CEP170: variants seen among roughly 807,000 people sequenced by gnomAD.
CEP170 encodes the protein centrosomal protein 170.
In CEP170, 21 loss-of-function variants were observed where a neutral mutation model predicts 151.9. That is an observed-to-expected ratio of 0.14 (90% CI 0.10 to 0.20). The LOEUF is 0.20. CEP170 is among the 10% of genes least tolerant of loss of function. CEP170 has a pLI of 1.00. For missense variants in CEP170, 964 were observed against 1,892.9 expected, an observed-to-expected ratio of 0.51 and a Z score of 9.11; for synonymous variants, 356 against 648.8, an observed-to-expected ratio of 0.55 and a Z score of 6.86.
At chr1:243,148,139 A>G (rs1374410235) in intron 14 of CEP170, among the ~76,000 whole-genome samples, 2 of 152,124 alleles carry the variant, frequency 1.3e-5, no homozygotes, top group Non-Finnish European at 2.9e-5. Flanking sequence ...AGATCATGCC[A>G]CTATACTCCA....
chr1:243,137,103 A>T (rs562994384), intron 16 of CEP170, among the ~76,000 whole-genome samples: 16 of 152,388 alleles, frequency 1.0e-4, no homozygotes, highest in African/African-American at 3.6e-4. Flanking sequence ...AGCCATAAAT[A>T]ATGAGCAAAT....
intron 10 of CEP170, among the ~76,000 whole-genome samples, chr1:243,178,868 G>A (rs1474636641): frequency 1.3e-5 from 2 of 151,902 alleles, no homozygotes; most frequent in Non-Finnish European, 2.9e-5. Context: ...GCAGGCTCAT[G>A]CCCCATGCCC....
chr1:243,184,863 T>C (rs1572109650), intron 10 of CEP170, among the ~76,000 whole-genome samples: 1 of 152,050 alleles, frequency 6.6e-6, no homozygotes, highest in Non-Finnish European at 1.5e-5. Flanking sequence ...TTGGTATATA[T>C]AGGATGGGCC....
At chr1:243,250,314 T>C (rs780039901) in intron 1 of CEP170, among the ~76,000 whole-genome samples, 2 of 152,242 alleles carry the variant, frequency 1.3e-5, no homozygotes, top group African/African-American at 2.4e-5. Flanking sequence ...GAAGGAAAGC[T>C]AATCCCTTGG....
rs144414616 is a variant in CEP170, at chr1:243,143,361, A to T, written c.3912-898T>A. Among the ~76,000 whole-genome samples, 1,014 of 152,210 alleles carry T rather than the reference A, an allele frequency of 6.7e-3. 5 individuals are homozygous for T. The highest frequency in any genetic ancestry group is 8.7e-3 in the Non-Finnish European group (591 of 68,010). On this transcript the variant is annotated intron_variant, in intron 14 of 19. Transcript: ENST00000366542. ...ATGGCTTGCTCATGATCACACCTTTAGATGTAGCTAAGGCAGGACTGGATC... is the reference window on the plus strand; with the variant it reads ...ATGGCTTGCTCATGATCACACCTTTTGATGTAGCTAAGGCAGGACTGGATC...
At chr1:243,191,560 A>G in intron 7 of CEP170, 66 bp from the exon 8 acceptor site, 1 of 1,364,258 alleles carries the variant, frequency 7.3e-7, no homozygotes, top group Non-Finnish European at 1.0e-6. Context: ...GGAGTCTGGT[A>G]ATGGCCATGT....
At chr1:243,129,532 A>G in intron 17 of CEP170, 79 bp from the exon 18 acceptor site, 2 of 1,004,404 alleles carry the variant, frequency 2.0e-6, no homozygotes, top group Non-Finnish European at 2.8e-6. Context: ...TACCAAAGCA[A>G]TGTATCTTTT....
chr1:243,252,677 C>A (rs1281610301), intron 1 of CEP170, among the ~76,000 whole-genome samples: 2 of 151,926 alleles, frequency 1.3e-5, no homozygotes, highest in East Asian at 3.9e-4. Context: ...AAAATAATCT[C>A]AGAACACAAT....
intron 1 of CEP170, among the ~76,000 whole-genome samples, chr1:243,230,074 G>A (rs2063598369): frequency 6.6e-6 from 1 of 152,092 alleles, no homozygotes; most frequent in Non-Finnish European, 1.5e-5. Flanking sequence ...GTTCTCACCG[G>A]GCATGGTAGC....
intron 1 of CEP170, among the ~76,000 whole-genome samples, chr1:243,233,958 A>T (rs1007158499): frequency 6.6e-6 from 1 of 152,054 alleles, no homozygotes; most frequent in Admixed American, 6.6e-5. Flanking sequence ...AAACTGGTTT[A>T]CTCAGATTAT....
intron 10 of CEP170, among the ~76,000 whole-genome samples, chr1:243,177,087 G>A (rs542241574): frequency 6.6e-6 from 1 of 152,242 alleles, no homozygotes; most frequent in Admixed American, 6.5e-5. Context: ...GGGATACAGG[G>A]TCAACTTTCA....
At position 243,219,796 on chromosome 1, in the gene CEP170, T is replaced by G. The variant is rs1282321903; in HGVS notation, c.195+1928A>C. Among the ~76,000 whole-genome samples, 4 of 152,340 alleles carry G rather than the reference T, an allele frequency of 2.6e-5. No homozygotes were observed. In the East Asian group the frequency reaches 7.7e-4, roughly 29 times the overall value. On this transcript the variant is annotated intron_variant, in intron 3 of 19. Coordinates refer to ENST00000366542, the MANE Select transcript of CEP170 (RefSeq NM_014812.3). ...AAGTAGAAAATTAATTCAATTCCAC[T>G]AAAGAAAGATTTACTGGGTTCATGC... is the stretch of plus-strand genomic sequence containing the variant.
At chr1:243,201,438 C>A (rs981457761) in intron 4 of CEP170, among the ~76,000 whole-genome samples, 1 of 152,128 alleles carries the variant, frequency 6.6e-6, no homozygotes, top group Non-Finnish European at 1.5e-5. Context: ...GTGCTAGATA[C>A]AATGAATGCC....
At chr1:243,240,572 T>C (rs2064730230) in intron 1 of CEP170, among the ~76,000 whole-genome samples, 4 of 152,120 alleles carry the variant, frequency 2.6e-5, no homozygotes, top group Admixed American at 2.6e-4. Context: ...TATCAATATG[T>C]CTAGGCTTCA....
intron 16 of CEP170, among the ~76,000 whole-genome samples, chr1:243,137,779 TAAAA>T (rs773221196): frequency 1.0e-5 from 1 of 96,982 alleles, no homozygotes; most frequent in African/African-American, 3.6e-5. Context: ...CTCTCAAAAT[TAAAA>T]AAAAAAAAAA....
At chr1:243,252,593 T>C (rs957181660) in intron 1 of CEP170, among the ~76,000 whole-genome samples, 1 of 152,146 alleles carries the variant, frequency 6.6e-6, no homozygotes, top group African/African-American at 2.4e-5. Flanking sequence ...ATATGCAGAA[T>C]GTATGCTAAG....
intron 14 of CEP170, among the ~76,000 whole-genome samples, chr1:243,154,503 TAAAAC>T (rs2057385230): frequency 6.6e-6 from 1 of 151,816 alleles, no homozygotes; most frequent in Non-Finnish European, 1.5e-5. Context: ...TTTCTCCACA[TAAAAC>T]AAACAAAAAA....
At chr1:243,198,911 T>A in intron 7 of CEP170, 149 bp downstream of exon 7, 1 of 539,338 alleles carries the variant, frequency 1.9e-6, no homozygotes, top group Non-Finnish European at 3.2e-6. Flanking sequence ...TACATTAAAA[T>A]AACAAGGCCA....
chr1:243,248,688 C>T (rs1480791633), intron 1 of CEP170, among the ~76,000 whole-genome samples: 1 of 152,238 alleles, frequency 6.6e-6, no homozygotes, highest in Non-Finnish European at 1.5e-5. Context: ...TCATTCCAAT[C>T]ATTTCCTAGC....
Sources: gnomAD v4.1 joint callset for allele counts (sites outside exome capture counted in the v4.1 genomes callset) on GRCh38, gnomAD v4.1.1 for gene constraint, MANE v1.5 for transcripts, NCBI Gene and HGNC (gene_info 2026-07-23, HGNC 2026-07-21) for gene names.